Variants in CNOT6 observed in about 807,000 individuals in gnomAD.
CNOT6 encodes carbon catabolite repression 4 protein.
A neutral mutation model predicts 61.2 loss-of-function variants in CNOT6; 12 were observed. The ratio of observed to expected loss-of-function variants is 0.20; its 90% CI spans 0.13 to 0.32. The LOEUF is 0.32. CNOT6 is among the 10% of genes least tolerant of loss of function. The probability of loss-of-function intolerance (pLI) is 1.00; values close to 1 mark genes in which losing one functional copy is unlikely to be tolerated. For synonymous variants in CNOT6, 225 were observed against 240.6 expected, an observed-to-expected ratio of 0.94 and a Z score of 0.60; for missense variants, 405 against 663.9, an observed-to-expected ratio of 0.61 and a Z score of 4.28.
intron 1 of CNOT6, among the ~76,000 whole-genome samples, chr5:180,520,141 A>G (rs1757818130): frequency 6.6e-6 from 1 of 152,110 alleles, no homozygotes. Context: ...GCCTATCCAT[A>G]TACTATTAAT....
intron 11 of CNOT6, among the ~76,000 whole-genome samples, chr5:180,572,446 T>G (rs1002080592): frequency 6.6e-6 from 1 of 152,220 alleles, no homozygotes; most frequent in African/African-American, 2.4e-5. Flanking sequence ...CACCTTGGCC[T>G]CCCAAAGTGC....
intron 2 of CNOT6, among the ~76,000 whole-genome samples, chr5:180,540,120 G>A (rs1039649643): frequency 2.0e-4 from 31 of 151,752 alleles, no homozygotes; most frequent in African/African-American, 7.5e-4. Context: ...TTTTCTCAGT[G>A]TGGGGCCTTG....
intron 4 of CNOT6, among the ~76,000 whole-genome samples, chr5:180,554,743 A>G (rs1442429899): frequency 3.3e-5 from 5 of 152,272 alleles, no homozygotes; most frequent in Non-Finnish European, 7.4e-5. Context: ...CTGTGTGGCA[A>G]AGTGTCCATA....
chr5:180,510,717 A>G (rs894978106), intron 1 of CNOT6, among the ~76,000 whole-genome samples: 1 of 152,144 alleles, frequency 6.6e-6, no homozygotes, highest in African/African-American at 2.4e-5. Context: ...CTATAAATGA[A>G]TTGTCATTTA....
At chr5:180,562,755 A>G (rs1455438223) in intron 4 of CNOT6, among the ~76,000 whole-genome samples, 1 of 152,184 alleles carries the variant, frequency 6.6e-6, no homozygotes. Flanking sequence ...AAAAATAAGA[A>G]AAAGAAAACA....
intron 1 of CNOT6, among the ~76,000 whole-genome samples, chr5:180,507,316 GGGGCCC>G (rs1161556929): frequency 2.0e-5 from 3 of 152,046 alleles, no homozygotes; most frequent in Admixed American, 2.0e-4. Context: ...TATAGTTTTA[GGGGCCC>G]GGTGTGGTGG....
rs560488751 is a variant in CNOT6, at chr5:180,509,826, G to A, written c.-3+15063G>A. ...CTAGTAAGACCTTTTTGATACCTTG[G>A]TGTTTTTTTTTTTTTTTTTTCACTA... On this transcript the variant is annotated intron_variant, in intron 1 of 11. Coordinates refer to ENST00000261951, the MANE Select transcript of CNOT6 (RefSeq NM_001370472.1). Among the ~76,000 whole-genome samples, 7 of 134,242 alleles carry A rather than the reference G, an allele frequency of 5.2e-5. No homozygotes were observed. The East Asian group carries it at 1.4e-3, about 27-fold the overall frequency. The allele number at this position is 134,242 out of a possible 152,430, so 88.1% of individuals were successfully genotyped here. A position where few individuals can be genotyped will look rare whatever the true frequency, so the allele number is the denominator to read the frequency against.
Position 180,554,020 on chromosome 5 carries a change from A to C in CNOT6, c.385+549A>C, listed in dbSNP as rs977064507. 4.6e-5 allele frequency among the ~76,000 whole-genome samples: 7 copies of C among 152,226 alleles called. No individual in the cohort carries two copies. The East Asian group carries it at 1.3e-3, about 29-fold the overall frequency. ...TTTTGACAGTATGTCAATGCCTATA[A>C]ATTTTTTATCATGTTAAGCAGTTCT... is the stretch of plus-strand genomic sequence containing the variant. On this transcript the variant is annotated intron_variant, in intron 4 of 11. Coordinates refer to ENST00000261951, the MANE Select transcript of CNOT6 (RefSeq NM_001370472.1).
chr5:180,544,786 G>T (rs1171852815), intron 2 of CNOT6, among the ~76,000 whole-genome samples: 1 of 152,252 alleles, frequency 6.6e-6, no homozygotes, highest in East Asian at 1.9e-4. Flanking sequence ...AGTGAAGAGG[G>T]CAAAGACACA....
At chr5:180,544,823 G>A (rs1759231460) in intron 2 of CNOT6, among the ~76,000 whole-genome samples, 1 of 152,312 alleles carries the variant, frequency 6.6e-6, no homozygotes, top group Admixed American at 6.5e-5. Flanking sequence ...ACCAGGCGCA[G>A]TGGCTCACGC....
intron 4 of CNOT6, among the ~76,000 whole-genome samples, chr5:180,561,240 C>T (rs72814977): frequency 0.019 from 2,874 of 152,318 alleles, 38 homozygotes; most frequent in Non-Finnish European, 0.027. Context: ...GCATGAGCCA[C>T]TGTGCCTAGC....
At chr5:180,507,218 G>C (rs1044307500) in intron 1 of CNOT6, among the ~76,000 whole-genome samples, 3 of 152,172 alleles carry the variant, frequency 2.0e-5, no homozygotes, top group African/African-American at 7.2e-5. Context: ...ATACTAAGGA[G>C]GTATACAGAG....
intron 11 of CNOT6, 45 bp from the exon 12 acceptor site, chr5:180,573,943 G>T: frequency 7.7e-7 from 1 of 1,304,750 alleles, no homozygotes; most frequent in Non-Finnish European, 1.1e-6. Flanking sequence ...GAGGATTTTA[G>T]TGTTGTCTTA....
chr5:180,541,044 A>G (rs988097788), intron 2 of CNOT6, among the ~76,000 whole-genome samples: 2 of 151,848 alleles, frequency 1.3e-5, no homozygotes, highest in Non-Finnish European at 2.9e-5. Context: ...CTGTTGACCT[A>G]TTTTTGAAAG....
rs532063641 is a variant in CNOT6 at position 180,530,767 on chromosome 5, C to T, written c.112+1379C>T. Among the ~76,000 whole-genome samples, 759 of 152,258 alleles carry T rather than the reference C, an allele frequency of 5.0e-3. 6 individuals carry two copies. The highest frequency in any genetic ancestry group is 0.017 in the African/African-American group (724 of 41,540). ...AGTTGAGATTAGGGAGTGGTGATGA[C>T]TCTTAAGGAGCATGCTGCCTTCAAG... is the stretch of plus-strand genomic sequence containing the variant. On this transcript the variant is annotated intron_variant, in intron 2 of 11. Coordinates refer to ENST00000261951, the MANE Select transcript of CNOT6 (RefSeq NM_001370472.1).
rs1758984290 is a variant in CNOT6 at position 180,540,613 on chromosome 5, C to T, written c.113-9318C>T. ...CCAAATGTAGGCTAATGTAAATATT[C>T]TGAGCACATTTAAGGTAGATTAGGT... On this transcript the variant is annotated intron_variant, in intron 2 of 11. Transcript: ENST00000261951. 2.0e-5 allele frequency among the ~76,000 whole-genome samples: 3 copies of T among 152,188 alleles called. No homozygotes were observed. The South Asian group carries it at 6.2e-4, about 32-fold the overall frequency.
chr5:180,564,447 T>TAAA, intron 4 of CNOT6, 42 bp from the exon 5 acceptor site: 1 of 1,342,176 alleles, frequency 7.5e-7, no homozygotes, highest in Non-Finnish European at 1.1e-6. Flanking sequence ...TGAAACATTT[T>TAAA]ATTACTTAGT....
intron 2 of CNOT6, among the ~76,000 whole-genome samples, chr5:180,530,853 A>C (rs976444892): frequency 1.3e-5 from 2 of 152,220 alleles, no homozygotes; most frequent in African/African-American, 4.8e-5. Context: ...GAGTGGACAC[A>C]GCACATGTTT....
intron 1 of CNOT6, among the ~76,000 whole-genome samples, chr5:180,499,801 G>A (rs750254517): frequency 3.3e-5 from 5 of 152,212 alleles, no homozygotes; most frequent in Admixed American, 3.3e-4. Flanking sequence ...AAAGGTTGCT[G>A]CTGGTGAGTT....
Sources: allele counts gnomAD v4.1 joint callset (sites outside exome capture counted in the v4.1 genomes callset), GRCh38; gene constraint gnomAD v4.1.1; transcripts MANE v1.5; gene names NCBI Gene and HGNC (gene_info 2026-07-23, HGNC 2026-07-21).